Variants in XPR1 observed in about 807,000 individuals in gnomAD.
The protein encoded by XPR1 is solute carrier family 53 member 1.
Under a neutral mutation model 87.5 loss-of-function variants are expected in XPR1, and 28 were observed. That is an observed-to-expected ratio of 0.32 (90% CI 0.24 to 0.44). The LOEUF (loss-of-function observed/expected upper bound fraction) is 0.44, where lower values mean the gene tolerates loss of function less well. XPR1 is among the 20% of genes least tolerant of loss of function. XPR1 has a pLI of 1.00. For missense variants in XPR1, 559 were observed against 862.3 expected, an observed-to-expected ratio of 0.65 and a Z score of 4.41; for synonymous variants, 300 against 306.1, an observed-to-expected ratio of 0.98 and a Z score of 0.21.
intron 2 of XPR1, among the ~76,000 whole-genome samples, chr1:180,768,320 T>C (rs1480207770): frequency 6.6e-6 from 1 of 152,200 alleles, no homozygotes; most frequent in African/African-American, 2.4e-5. Context: ...TCATAGACGA[T>C]TTATAGGTTT....
intron 2 of XPR1, among the ~76,000 whole-genome samples, chr1:180,772,933 C>G (rs747486603): frequency 3.3e-5 from 5 of 152,138 alleles, no homozygotes; most frequent in African/African-American, 1.2e-4. Context: ...ATATTAACAA[C>G]CATGAGTTCA....
chr1:180,737,158 TGTG>T (rs1475688456), intron 2 of XPR1, among the ~76,000 whole-genome samples: 1 of 152,168 alleles, frequency 6.6e-6, no homozygotes, highest in Non-Finnish European at 1.5e-5. Flanking sequence ...CACCTTGGTA[TGTG>T]GCAGGGGTAG....
At chr1:180,664,464 C>T (rs921009161) in intron 1 of XPR1, among the ~76,000 whole-genome samples, 1 of 152,136 alleles carries the variant, frequency 6.6e-6, no homozygotes. Flanking sequence ...TGGGGGGCCT[C>T]GTGACACTGC....
chr1:180,705,438 C>T (rs1237025312), intron 2 of XPR1, among the ~76,000 whole-genome samples: 1 of 152,172 alleles, frequency 6.6e-6, no homozygotes, highest in African/African-American at 2.4e-5. Context: ...TATATTTACT[C>T]TGAAACAAAG....
intron 11 of XPR1, among the ~76,000 whole-genome samples, chr1:180,839,441 A>G (rs1238452006): frequency 6.6e-6 from 1 of 152,244 alleles, no homozygotes; most frequent in Non-Finnish European, 1.5e-5. Context: ...TTCAGTACAC[A>G]TTTACCAGTG....
At chr1:180,692,874 T>C (rs1657036223) in intron 2 of XPR1, among the ~76,000 whole-genome samples, 2 of 152,186 alleles carry the variant, frequency 1.3e-5, no homozygotes, top group South Asian at 4.1e-4. Context: ...AATGAAGAAA[T>C]GTTATAAACA....
At chr1:180,634,864 C>T (rs1389864700) in intron 1 of XPR1, among the ~76,000 whole-genome samples, 1 of 151,692 alleles carries the variant, frequency 6.6e-6, no homozygotes, top group African/African-American at 2.4e-5. Context: ...TATATTGTAG[C>T]ACAGTAAATA....
At chr1:180,714,069 G>T (rs551152967) in intron 2 of XPR1, among the ~76,000 whole-genome samples, 3 of 152,050 alleles carry the variant, frequency 2.0e-5, no homozygotes, top group Non-Finnish European at 4.4e-5. Flanking sequence ...GTGAACTCTT[G>T]ATAGTTGGTA....
chr1:180,658,854 C>G (rs1655631963), intron 1 of XPR1, among the ~76,000 whole-genome samples: 1 of 151,978 alleles, frequency 6.6e-6, no homozygotes, highest in Non-Finnish European at 1.5e-5. Flanking sequence ...CAGGAGTGAG[C>G]CACTGCACCC....
intron 2 of XPR1, among the ~76,000 whole-genome samples, chr1:180,728,571 A>G (rs1208013939): frequency 6.6e-6 from 1 of 152,218 alleles, no homozygotes; most frequent in African/African-American, 2.4e-5. Flanking sequence ...CTGTATTTCA[A>G]ATAAGCTCCC....
chr1:180,800,695 A>G lies in XPR1; in HGVS notation c.224-2693A>G, dbSNP rs942187172. 1.3e-5 allele frequency among the ~76,000 whole-genome samples: 2 copies of G among 152,336 alleles called. 1 individual carries two copies. Among genetic ancestry groups the G allele is most frequent in the South Asian group, 4.1e-4 (2 of 4,822 alleles). Reference sequence around the variant, plus strand: ...AATATACAAAAGCCAATGACGAGTAATCTTTGCAAAGTCTGGATATTTCCT... The same window carrying G: ...AATATACAAAAGCCAATGACGAGTAGTCTTTGCAAAGTCTGGATATTTCCT... On this transcript the variant is annotated intron_variant, in intron 3 of 14. Coordinates refer to ENST00000367590, the MANE Select transcript of XPR1 (RefSeq NM_004736.4).
intron 2 of XPR1, among the ~76,000 whole-genome samples, chr1:180,702,983 A>T (rs990973989): frequency 6.6e-6 from 1 of 152,032 alleles, no homozygotes; most frequent in African/African-American, 2.4e-5. Context: ...TTGATTGGGT[A>T]GGTTGCTTTG....
chr1:180,847,799 C>T (rs1029398846), intron 11 of XPR1, among the ~76,000 whole-genome samples: 1 of 152,100 alleles, frequency 6.6e-6, no homozygotes, highest in South Asian at 2.1e-4. Context: ...GGCAGACACT[C>T]TAAATTATGG....
chr1:180,785,903 G>A (rs577298627), intron 2 of XPR1, among the ~76,000 whole-genome samples: 11 of 150,970 alleles, frequency 7.3e-5, no homozygotes, highest in Admixed American at 5.3e-4. Context: ...TATAAGAGCT[G>A]CATCTGTTAC....
chr1:180,800,788 C>T (rs1469708142), intron 3 of XPR1, among the ~76,000 whole-genome samples: 1 of 152,180 alleles, frequency 6.6e-6, no homozygotes, highest in Non-Finnish European at 1.5e-5. Flanking sequence ...AGAGGAAGAT[C>T]TACAGTATAT....
chr1:180,762,283 AAAAG>A (rs1347569660), intron 2 of XPR1, among the ~76,000 whole-genome samples: 2 of 152,122 alleles, frequency 1.3e-5, no homozygotes, highest in African/African-American at 2.4e-5. Flanking sequence ...ATAATAAATA[AAAAG>A]AAAGGTAAAG....
rs1205828350 is a variant in XPR1, at chr1:180,875,528, AT to A, written c.1808+1595del. On this transcript the variant is annotated intron_variant, in intron 13 of 14. Coordinates refer to ENST00000367590, the MANE Select transcript of XPR1 (RefSeq NM_004736.4). ...CGTCTCAAAAAAAAAAAAAAAAAAA[AT>A]TTTTTTTTGAACAGAATGTAATTGA... 6.3e-3 allele frequency among the ~76,000 whole-genome samples: 936 copies of A among 148,192 alleles called. 7 individuals are homozygous for A. The highest frequency in any genetic ancestry group is 0.023 in the African/African-American group (889 of 39,054).
At chr1:180,711,322 A>G (rs1331552565) in intron 2 of XPR1, among the ~76,000 whole-genome samples, 1 of 152,156 alleles carries the variant, frequency 6.6e-6, no homozygotes, top group Non-Finnish European at 1.5e-5. Context: ...AGCCTGGGCA[A>G]CATTGAGCAC....
chr1:180,842,927 T>C (rs1274355422), intron 11 of XPR1, among the ~76,000 whole-genome samples: 2 of 152,248 alleles, frequency 1.3e-5, no homozygotes, highest in Non-Finnish European at 1.5e-5. Context: ...CTTTATAAAA[T>C]ACTTGGAACA....
Sources: allele counts gnomAD v4.1 joint callset (sites outside exome capture counted in the v4.1 genomes callset), GRCh38; gene constraint gnomAD v4.1.1; transcripts MANE v1.5; gene names NCBI Gene and HGNC (gene_info 2026-07-23, HGNC 2026-07-21).